SRGAP1: variants seen among roughly 807,000 people sequenced by gnomAD.
SRGAP1 encodes the protein SLIT-ROBO Rho GTPase-activating protein 1.
In SRGAP1, 43 loss-of-function variants were observed where a neutral mutation model predicts 121.9. The ratio of observed to expected loss-of-function variants is 0.35; its 90% CI spans 0.28 to 0.46. The LOEUF (loss-of-function observed/expected upper bound fraction) is 0.46. Among genes scored for constraint, SRGAP1 ranks in the 20% least tolerant of loss-of-function variants. SRGAP1 has a pLI of 1.00. For missense variants in SRGAP1, 1,102 were observed against 1,350.9 expected (o/e 0.82, Z 2.89); for synonymous variants, 447 against 485.4 (o/e 0.92, Z 1.04).
At chr12:64,132,716 C>T (rs2036803713) in intron 21 of SRGAP1, among the ~76,000 whole-genome samples, 1 of 152,222 alleles carries the variant, frequency 6.6e-6, no homozygotes, top group African/African-American at 2.4e-5. Flanking sequence ...ACTTCTTGCT[C>T]ACTGGATCCA....
chr12:63,933,606 T>C (rs1415058967), intron 1 of SRGAP1, among the ~76,000 whole-genome samples: 2 of 152,104 alleles, frequency 1.3e-5, no homozygotes, highest in Non-Finnish European at 2.9e-5. Flanking sequence ...TTAGAAAATA[T>C]AGAAAAGATG....
chr12:64,136,660 G>GT (rs1288500028), intron 21 of SRGAP1, among the ~76,000 whole-genome samples: 1 of 152,146 alleles, frequency 6.6e-6, no homozygotes, highest in Non-Finnish European at 1.5e-5. Context: ...AGTTTAATGT[G>GT]TTTTTTAAAA....
intron 15 of SRGAP1, among the ~76,000 whole-genome samples, chr12:64,104,716 A>G (rs760153021): frequency 5.1e-4 from 78 of 152,138 alleles, no homozygotes; most frequent in Non-Finnish European, 9.9e-4. Context: ...ATTTGCTACT[A>G]CTTCAGGAAT....
intron 4 of SRGAP1, chr12:64,032,275 G>T: frequency 3.5e-6 from 1 of 282,576 alleles, no homozygotes; most frequent in Non-Finnish European, 6.9e-6. Flanking sequence ...CCACTGCAAA[G>T]GGCCTAAACT....
chr12:63,989,543 CAGT>C (rs10552135), intron 2 of SRGAP1, among the ~76,000 whole-genome samples: 152,343 of 152,344 alleles, frequency 1, 76,171 homozygotes, highest in Middle Eastern at 1. Flanking sequence ...TCTGTCTGGA[CAGT>C]AGTAGTCAGT....
At chr12:64,131,695 C>T (rs905688337) in intron 21 of SRGAP1, among the ~76,000 whole-genome samples, 2 of 152,282 alleles carry the variant, frequency 1.3e-5, no homozygotes, top group Non-Finnish European at 2.9e-5. Context: ...TGCATGAGCT[C>T]GATCACATAT....
intron 3 of SRGAP1, among the ~76,000 whole-genome samples, chr12:63,994,128 T>C (rs1304902153): frequency 1.3e-5 from 2 of 152,216 alleles, no homozygotes; most frequent in Non-Finnish European, 2.9e-5. Context: ...GATAGTCGTT[T>C]AGAGGATTCA....
intron 1 of SRGAP1, among the ~76,000 whole-genome samples, chr12:63,905,827 C>T (rs1003330252): frequency 6.6e-6 from 1 of 152,158 alleles, no homozygotes; most frequent in African/African-American, 2.4e-5. Context: ...TATGGAGATG[C>T]GCCTGAGTCA....
intron 17 of SRGAP1, among the ~76,000 whole-genome samples, chr12:64,115,318 G>A (rs1054510610): frequency 6.6e-6 from 1 of 152,162 alleles, no homozygotes; most frequent in Non-Finnish European, 1.5e-5. Context: ...AAATAACCTA[G>A]TCAAAGATGA....
Position 64,079,184 on chromosome 12 carries a change from A to G in SRGAP1, c.1323+68A>G. The stretch of plus-strand genomic sequence containing the variant: ...TAGGATTCCCAAGTGCCACTTCTAT[A>G]GTCACATCAGAACCATCTGGGGTTC... On this transcript the variant is annotated intron_variant, in intron 9 of 21. Coordinates refer to ENST00000355086, the MANE Select transcript of SRGAP1 (RefSeq NM_020762.4). 5.8e-6 allele frequency: 9 copies of G among 1,558,552 alleles called. No individual in the cohort carries two copies. The Admixed American group carries it at 8.5e-5, about 15-fold the overall frequency.
intron 1 of SRGAP1, among the ~76,000 whole-genome samples, chr12:63,906,548 C>T (rs922920734): frequency 5.3e-5 from 8 of 152,054 alleles, no homozygotes; most frequent in South Asian, 2.1e-4. Context: ...CTCCTGACCT[C>T]GTGATCTGCC....
chr12:63,982,512 G>GACC (rs2136406520), intron 1 of SRGAP1: 1 of 152,286 alleles, frequency 6.6e-6, no homozygotes, highest in Admixed American at 6.5e-5. Flanking sequence ...CTTATTCATG[G>GACC]ACTTGCTGTG....
intron 3 of SRGAP1, among the ~76,000 whole-genome samples, chr12:64,010,661 A>G (rs896053553): frequency 2.0e-5 from 3 of 152,086 alleles, no homozygotes; most frequent in Non-Finnish European, 4.4e-5. Context: ...CCTGCTCTCA[A>G]AGAAACTGTG....
intron 18 of SRGAP1, among the ~76,000 whole-genome samples, chr12:64,121,007 CTT>C (rs35809572): frequency 0.024 from 2,795 of 115,938 alleles, 77 homozygotes; most frequent in African/African-American, 0.082. Flanking sequence ...TTCTTTGTGT[CTT>C]TTTTTTTTTT....
At position 64,053,135 on chromosome 12, in the gene SRGAP1, G is replaced by A. The variant is rs542673559; in HGVS notation, c.801+9560G>A. ...GAGTATTAGAGAGCACCTACTGGCTGTGTGTGTTCACATTGCCTTTGGCAT... is the reference window on the plus strand; with the variant it reads ...GAGTATTAGAGAGCACCTACTGGCTATGTGTGTTCACATTGCCTTTGGCAT... On this transcript the variant is annotated intron_variant, in intron 6 of 21. Transcript: ENST00000355086. Among the ~76,000 whole-genome samples the A allele has an allele frequency of 1.6e-4, 25 of 152,350 alleles. No homozygotes were observed. The South Asian group carries it at 5.2e-3, about 32-fold the overall frequency.
At chr12:64,103,554 A>G (rs1225767213) in intron 15 of SRGAP1, among the ~76,000 whole-genome samples, 2 of 152,158 alleles carry the variant, frequency 1.3e-5, no homozygotes, top group Non-Finnish European at 2.9e-5. Context: ...GGTGCTCAAT[A>G]TATGTTTTTG....
intron 1 of SRGAP1, among the ~76,000 whole-genome samples, chr12:63,937,142 G>T (rs1441276688): frequency 6.6e-6 from 1 of 152,144 alleles, no homozygotes; most frequent in African/African-American, 2.4e-5. Flanking sequence ...TCTCATGTTG[G>T]GATCAGTGGA....
At chr12:64,093,024 T>C (rs925987706) in intron 12 of SRGAP1, among the ~76,000 whole-genome samples, 3 of 152,194 alleles carry the variant, frequency 2.0e-5, no homozygotes, top group African/African-American at 7.2e-5. Context: ...TCTTTGGTAA[T>C]AGAAACAATA....
chr12:64,152,911 T>TAAAAA lies in SRGAP1; in HGVS notation c.*10260_*10264dup, dbSNP rs57320190. On this transcript the variant is annotated 3_prime_UTR_variant, in exon 22 of 22. Transcript: ENST00000355086. ...ATGGAGTGTACTTCCTGGTATGATT[T>TAAAAA]AAAAAAAAAAAAAAAAAAAAAAAAA... The TAAAAA allele has an allele frequency of 1.1e-5, 1 of 89,916 alleles. No individual in the cohort carries two copies. Among genetic ancestry groups the TAAAAA allele is most frequent in the Non-Finnish European group, 2.1e-5 (1 of 47,682 alleles). The allele number at this position is 89,916 out of a possible 1,614,324, so 5.6% of individuals were successfully genotyped here.
Sources: allele counts gnomAD v4.1 joint callset (sites outside exome capture counted in the v4.1 genomes callset), GRCh38; gene constraint gnomAD v4.1.1; transcripts MANE v1.5; gene names NCBI Gene and HGNC (gene_info 2026-07-23, HGNC 2026-07-21).